RDX: variants seen among roughly 807,000 people sequenced by gnomAD.
RDX encodes deafness, autosomal recessive 24.
In RDX, 32 loss-of-function variants were observed where a neutral mutation model predicts 83.7. The ratio of observed to expected loss-of-function variants is 0.38; its 90% confidence interval spans 0.29 to 0.51. RDX has a LOEUF of 0.51. Among genes scored for constraint, RDX ranks in the 20% least tolerant of loss-of-function variants. RDX has a pLI of 0.87. For missense variants in RDX, 600 were observed against 689.9 expected (o/e 0.87, Z 1.46); for synonymous variants, 229 against 222.7 (o/e 1.03, Z -0.25).
intron 10 of RDX, among the ~76,000 whole-genome samples, chr11:110,245,687 A>C (rs560470834): frequency 6.6e-6 from 1 of 152,288 alleles, no homozygotes; most frequent in East Asian, 1.9e-4. Flanking sequence ...GTAGCACTTA[A>C]AACTATGTAA....
At chr11:110,267,695 G>T (rs1182741296) in intron 3 of RDX, among the ~76,000 whole-genome samples, 1 of 152,170 alleles carries the variant, frequency 6.6e-6, no homozygotes, top group East Asian at 1.9e-4. Context: ...TGGGCACAGT[G>T]GCTCACATCT....
At chr11:110,279,655 T>A (rs924164859) in intron 2 of RDX, 26 bp downstream of exon 2, 1 of 1,445,034 alleles carries the variant, frequency 6.9e-7, no homozygotes, top group South Asian at 1.2e-5. Context: ...ATTGAGACAC[T>A]GTCAAATGTA....
intron 15 of RDX, chr11:110,199,455 C>A (rs982522972): frequency 7.9e-6 from 5 of 633,428 alleles, no homozygotes; most frequent in African/African-American, 5.4e-5. Flanking sequence ...GACTTGAAAT[C>A]CACAGGTCCT....
At chr11:110,228,743 TAA>T (rs45524232), downstream of RDX, among the ~76,000 whole-genome samples, 4,194 of 151,994 alleles carry the variant, frequency 0.028, 90 homozygotes, top group Non-Finnish European at 0.038. Flanking sequence ...CTTCTAATGA[TAA>T]GAGTGACTTC....
At chr11:110,181,185 G>A (rs182138682) in intron 15 of RDX, among the ~76,000 whole-genome samples, 47 of 145,268 alleles carry the variant, frequency 3.2e-4, no homozygotes, top group Admixed American at 2.2e-3. Flanking sequence ...TTTTTGAGAC[G>A]GAGTCTTGCC....
intron 15 of RDX, among the ~76,000 whole-genome samples, chr11:110,191,057 T>C (rs932340480): frequency 6.6e-6 from 1 of 152,136 alleles, no homozygotes; most frequent in Non-Finnish European, 1.5e-5. Flanking sequence ...TACCCAAAAA[T>C]TGAGGAAGAG....
intron 1 of RDX, among the ~76,000 whole-genome samples, chr11:110,295,523 C>T (rs1462825337): frequency 6.7e-6 from 1 of 149,460 alleles, no homozygotes; most frequent in East Asian, 2.0e-4. Flanking sequence ...ATGAAGTTGA[C>T]TTTTAACACA....
intron 10 of RDX, among the ~76,000 whole-genome samples, chr11:110,242,853 C>T (rs1327227506): frequency 6.6e-6 from 1 of 151,900 alleles, no homozygotes; most frequent in East Asian, 1.9e-4. Flanking sequence ...ATGGAGCAAA[C>T]CCAATCCAAT....
At position 110,257,892 on chromosome 11, in the gene RDX, G is replaced by T. The variant is rs139960434; in HGVS notation, c.573C>A (p.Tyr191Ter). 1 of 1,611,648 alleles carries T rather than the reference G, an allele frequency of 6.2e-7. No individual in the cohort carries two copies. Among genetic ancestry groups the T allele is most frequent in the Non-Finnish European group, 8.5e-7 (1 of 1,178,282 alleles). ...GMLREDSMME[Y>*]LKIAQDLEMY... Reference sequence around the variant, plus strand: ...TTTCTAGATCTTGTGCAATCTTCAGGTATTCCATCATAGAATCCTCCCTGT... The same window carrying T: ...TTTCTAGATCTTGTGCAATCTTCAGTTATTCCATCATAGAATCCTCCCTGT... Residue 191 changes from tyrosine (Y) to a stop codon, truncating the protein, a stop_gained, in exon 7 of 14, where the codon TAC (tyrosine) becomes TAA (stop). Transcript: ENST00000645495. LOFTEE classifies it high-confidence loss of function.
chr11:110,293,910 T>G (rs1368149395), intron 1 of RDX, among the ~76,000 whole-genome samples: 2 of 152,218 alleles, frequency 1.3e-5, no homozygotes, highest in Non-Finnish European at 2.9e-5. Context: ...TTTTTAAACA[T>G]TAGTAGCATA....
intron 14 of RDX, among the ~76,000 whole-genome samples, chr11:110,202,322 G>C (rs1376290971): frequency 6.6e-6 from 1 of 151,956 alleles, no homozygotes; most frequent in African/African-American, 2.4e-5. Context: ...GAACCCTGGA[G>C]GCAGAGGCTG....
At position 110,272,608 on chromosome 11, in the gene RDX, T is replaced by G; in HGVS notation, c.24A>C (p.Arg8Ser). MPKPINV[R>S]VTTMDAELEF... ...CCAGCTCAGCATCCATTGTAGTTAC[T>G]CTTACGTTGATCTGTAATAAAAATA... The change falls in exon 3 of 14, where the codon AGA becomes AGC. Residue 8 changes from arginine to serine, a missense_variant. Arg to Ser is a moderately radical substitution (Grantham distance 110). Transcript: ENST00000645495. The G allele has an allele frequency of 6.2e-7, 1 of 1,609,042 alleles. No homozygotes were observed.
At chr11:110,254,196 G>A in intron 8 of RDX, 87 bp from the exon 9 acceptor site, 1 of 1,033,964 alleles carries the variant, frequency 9.7e-7, no homozygotes. Context: ...CATGAGGTAT[G>A]AATTTTAATG....
intron 9 of RDX, among the ~76,000 whole-genome samples, chr11:110,250,882 T>C (rs1230016955): frequency 6.6e-6 from 1 of 152,216 alleles, no homozygotes; most frequent in East Asian, 1.9e-4. Flanking sequence ...ACAAATGCCT[T>C]CAGCCCTTTA....
In RDX at chr11:110,262,525, T is replaced by C. The variant is rs150892244; in HGVS notation, c.467+1435A>G. 9.4e-3 allele frequency among the ~76,000 whole-genome samples: 1,418 copies of C among 151,608 alleles called. 31 individuals carry two copies. Among genetic ancestry groups the C allele is most frequent in the African/African-American group, 0.033 (1,347 of 41,266 alleles). ...ATCGCTTGAATCCGGGAGGCGGAGG[T>C]TGCAGTGAGCCGAGATCGTGCCACT... On this transcript the variant is annotated intron_variant, in intron 5 of 13. Transcript: ENST00000645495.
At chr11:110,199,926 A>G (rs1863344532) in intron 14 of RDX, among the ~76,000 whole-genome samples, 1 of 152,214 alleles carries the variant, frequency 6.6e-6, no homozygotes, top group South Asian at 2.1e-4. Context: ...TTCCTTTTAA[A>G]TAGATGCTAG....
At chr11:110,224,813 G>A (rs1050116414), downstream of RDX, among the ~76,000 whole-genome samples, 4 of 152,036 alleles carry the variant, frequency 2.6e-5, no homozygotes, top group South Asian at 2.1e-4. Flanking sequence ...CCATGGCCAC[G>A]GCCTTTCTTA....
chr11:110,279,485 C>T (rs1860664408), intron 2 of RDX, among the ~76,000 whole-genome samples, 196 bp downstream of exon 2: 1 of 152,202 alleles, frequency 6.6e-6, no homozygotes, highest in African/African-American at 2.4e-5. Flanking sequence ...GACATGGTCC[C>T]ACTGCGCTCC....
At position 110,231,071 on chromosome 11, in the gene RDX, T is replaced by C. The variant is rs1864615545; in HGVS notation, c.*798A>G. 1 of 152,652 alleles carries C rather than the reference T, an allele frequency of 6.6e-6. No individual in the cohort carries two copies. Among genetic ancestry groups the C allele is most frequent in the Non-Finnish European group, 1.5e-5 (1 of 68,038 alleles). The allele number at this position is 152,652 out of a possible 1,614,324, so 9.5% of individuals were successfully genotyped here. A position where few individuals can be genotyped will look rare whatever the true frequency, so the allele number is the denominator to read the frequency against. On this transcript the variant is annotated 3_prime_UTR_variant, in exon 14 of 14. Transcript: ENST00000645495. ...AAAACTTTTAAAATCTTGCAGAGGCTGTTTCATCAGTAAACTCTCCTAGGG... is the reference window on the plus strand; with the variant it reads ...AAAACTTTTAAAATCTTGCAGAGGCCGTTTCATCAGTAAACTCTCCTAGGG...
Sources: gnomAD v4.1 joint callset for allele counts (sites outside exome capture counted in the v4.1 genomes callset) on GRCh38, gnomAD v4.1.1 for gene constraint, MANE v1.5 for transcripts, NCBI Gene and HGNC (gene_info 2026-07-23, HGNC 2026-07-21) for gene names.